The following DLGAP2 variants were observed in gnomAD, a reference collection of about 807,000 sequenced individuals.
The protein encoded by DLGAP2 is DLG associated protein 2, also known as disks large-associated protein 2.
In DLGAP2, 26 loss-of-function variants were observed where a neutral mutation model predicts 100.3. The ratio of observed to expected loss-of-function variants is 0.26; its 90% CI spans 0.19 to 0.36. The LOEUF (loss-of-function observed/expected upper bound fraction) is 0.36, where lower values mean the gene tolerates loss of function less well. DLGAP2 is among the 10% of genes least tolerant of loss of function. DLGAP2 has a pLI of 1.00. For missense variants in DLGAP2, 1,858 were observed against 1,453.2 expected (o/e 1.28, Z -4.53); for synonymous variants, 886 against 630.1 (o/e 1.41, Z -6.08).
chr8:1,357,124 C>T (rs1029526947), intron 3 of DLGAP2, among the ~76,000 whole-genome samples: 2 of 151,986 alleles, frequency 1.3e-5, no homozygotes, highest in African/African-American at 2.4e-5. Flanking sequence ...TATACAGTGT[C>T]TACTGCAGAA....
intron 1 of DLGAP2, among the ~76,000 whole-genome samples, chr8:847,054 G>C (rs1797084652): frequency 6.6e-6 from 1 of 152,126 alleles, no homozygotes; most frequent in Admixed American, 6.5e-5. Flanking sequence ...TGTACAGTTG[G>C]AATTCTTTTA....
At chr8:973,706 T>G (rs1291770969) in intron 2 of DLGAP2, among the ~76,000 whole-genome samples, 1 of 152,184 alleles carries the variant, frequency 6.6e-6, no homozygotes, top group African/African-American at 2.4e-5. Flanking sequence ...TCACGGTACC[T>G]CAGTTGCTTC....
chr8:1,623,822 CT>C (rs1266276607), intron 6 of DLGAP2, among the ~76,000 whole-genome samples: 7 of 152,250 alleles, frequency 4.6e-5, no homozygotes, highest in African/African-American at 1.7e-4. Context: ...ATTAGCATTT[CT>C]GGCGTAATCT....
chr8:1,232,496 C>G (rs1474811957), intron 2 of DLGAP2, among the ~76,000 whole-genome samples: 1 of 152,248 alleles, frequency 6.6e-6, no homozygotes, highest in Non-Finnish European at 1.5e-5. Flanking sequence ...TCTCGAACCT[C>G]ACGTCAACTC....
chr8:1,391,643 G>C (rs527830407), intron 3 of DLGAP2, among the ~76,000 whole-genome samples: 37 of 152,344 alleles, frequency 2.4e-4, no homozygotes, highest in Non-Finnish European at 4.4e-4. Flanking sequence ...TGCTCTAGAA[G>C]AGGAGATGGG....
chr8:781,000 G>A (rs1394052263), intron 1 of DLGAP2, among the ~76,000 whole-genome samples: 1 of 152,198 alleles, frequency 6.6e-6, no homozygotes, highest in Admixed American at 6.5e-5. Flanking sequence ...TCTCCATGAG[G>A]TTGTATAGTA....
chr8:850,529 A>G (rs1041370964), intron 1 of DLGAP2, among the ~76,000 whole-genome samples: 4 of 152,306 alleles, frequency 2.6e-5, no homozygotes, highest in African/African-American at 7.2e-5. Flanking sequence ...TCTTTTCACA[A>G]TTTGTCAGAG....
intron 1 of DLGAP2, among the ~76,000 whole-genome samples, chr8:811,713 C>T (rs1006667052): frequency 4.6e-5 from 7 of 150,594 alleles, no homozygotes; most frequent in African/African-American, 1.5e-4. Context: ...GATGAAGCTC[C>T]CATCATCCTT....
At chr8:938,188 T>G (rs1316837925) in intron 2 of DLGAP2, among the ~76,000 whole-genome samples, 1 of 152,046 alleles carries the variant, frequency 6.6e-6, no homozygotes, top group African/African-American at 2.4e-5. Context: ...ACTCAGCATG[T>G]TTTCCCTTTA....
intron 2 of DLGAP2, among the ~76,000 whole-genome samples, chr8:1,056,888 C>G (rs1010784126): frequency 4.6e-5 from 7 of 152,174 alleles, no homozygotes; most frequent in African/African-American, 1.7e-4. Flanking sequence ...ATAGCATTTC[C>G]CCCTTAATCC....
intron 2 of DLGAP2, among the ~76,000 whole-genome samples, chr8:1,073,283 TA>T (rs1331276754): frequency 6.6e-6 from 1 of 152,162 alleles, no homozygotes; most frequent in African/African-American, 2.4e-5. Flanking sequence ...AATAAAATTG[TA>T]AAAAAACTGG....
At chr8:1,664,641 C>T (rs933776830) in intron 8 of DLGAP2, among the ~76,000 whole-genome samples, 1 of 152,218 alleles carries the variant, frequency 6.6e-6, no homozygotes, top group Non-Finnish European at 1.5e-5. Flanking sequence ...CTCTGGAAAA[C>T]CCATATGGTA....
intron 3 of DLGAP2, among the ~76,000 whole-genome samples, chr8:1,357,043 C>A (rs1383024911): frequency 6.6e-6 from 1 of 152,144 alleles, no homozygotes; most frequent in African/African-American, 2.4e-5. Context: ...AATCATCCTC[C>A]CTGTTAACGT....
intron 6 of DLGAP2, among the ~76,000 whole-genome samples, chr8:1,566,382 T>A (rs181198035): frequency 0.013 from 1,934 of 152,312 alleles, 21 homozygotes; most frequent in Non-Finnish European, 0.021. Context: ...CTTTACATAT[T>A]TGCCCAAAAT....
intron 2 of DLGAP2, among the ~76,000 whole-genome samples, chr8:1,022,793 T>C (rs1359965588): frequency 6.6e-6 from 1 of 151,948 alleles, no homozygotes; most frequent in African/African-American, 2.4e-5. Context: ...AGGTAGACAC[T>C]CCAGCCGCCA....
intron 3 of DLGAP2, among the ~76,000 whole-genome samples, chr8:1,332,447 A>C (rs1313502260): frequency 6.6e-6 from 1 of 151,752 alleles, no homozygotes; most frequent in Non-Finnish European, 1.5e-5. Flanking sequence ...CTGTGTACAC[A>C]TGTGTCTGCA....
chr8:786,489 C>T (rs1368434846), intron 1 of DLGAP2, among the ~76,000 whole-genome samples: 1 of 152,152 alleles, frequency 6.6e-6, no homozygotes, highest in Non-Finnish European at 1.5e-5. Flanking sequence ...TTCTTCCCAC[C>T]CCCACATAAG....
intron 1 of DLGAP2, among the ~76,000 whole-genome samples, chr8:843,898 T>C (rs143360904): frequency 3.3e-5 from 5 of 152,346 alleles, no homozygotes; most frequent in African/African-American, 9.6e-5. Context: ...GTTTAAGTCA[T>C]TGAAGTTTAT....
chr8:1,474,854 C>T (rs899694567), intron 3 of DLGAP2, among the ~76,000 whole-genome samples: 2 of 152,154 alleles, frequency 1.3e-5, no homozygotes, highest in Admixed American at 6.5e-5. Flanking sequence ...GTTGAACTAC[C>T]GTTTGACCCC....
Sources: allele counts gnomAD v4.1 joint callset (sites outside exome capture counted in the v4.1 genomes callset), GRCh38; gene constraint gnomAD v4.1.1; transcripts MANE v1.5; gene names NCBI Gene and HGNC (gene_info 2026-07-23, HGNC 2026-07-21).